The following MAST4 variants were observed in gnomAD, a reference collection of about 807,000 sequenced individuals.
MAST4 encodes the protein microtubule-associated serine/threonine-protein kinase 4.
Under a neutral mutation model 162.7 loss-of-function variants are expected in MAST4, and 89 were observed. That is an observed-to-expected ratio of 0.55 (90% confidence interval 0.46 to 0.65). The LOEUF (loss-of-function observed/expected upper bound fraction) is 0.65. Among genes scored for constraint, MAST4 ranks in the 30% least tolerant of loss-of-function variants. The probability of loss-of-function intolerance (pLI) is 0.00; values close to 1 mark genes in which losing one functional copy is unlikely to be tolerated. For missense variants in MAST4, 3,153 were observed against 3,374.0 expected (o/e 0.93, Z 1.62); for synonymous variants, 1,479 against 1,361.1 (o/e 1.09, Z -1.91).
intron 1 of MAST4, among the ~76,000 whole-genome samples, chr5:66,707,057 C>T (rs1295870711): frequency 2.0e-5 from 3 of 152,264 alleles, no homozygotes; most frequent in South Asian, 2.1e-4. Flanking sequence ...GTGTGGGGCT[C>T]TGTCTTCTGT....
At chr5:67,023,139 G>A (rs1194079025) in intron 4 of MAST4, among the ~76,000 whole-genome samples, 1 of 152,086 alleles carries the variant, frequency 6.6e-6, no homozygotes. Context: ...TGAATAGGAA[G>A]GTTCAGCAGA....
At chr5:67,118,854 A>C in intron 13 of MAST4, 105 bp downstream of exon 13, 1 of 671,526 alleles carries the variant, frequency 1.5e-6, no homozygotes, top group Non-Finnish European at 2.6e-6. Context: ...TTGTGCTTCT[A>C]TGTGAATATA....
At chr5:67,121,165 T>A in intron 14 of MAST4, 63 bp downstream of exon 14, 1 of 1,304,282 alleles carries the variant, frequency 7.7e-7, no homozygotes, top group Non-Finnish European at 1.1e-6. Context: ...TATTTATTCT[T>A]AACATTTATC....
intron 3 of MAST4, among the ~76,000 whole-genome samples, chr5:66,864,711 A>G (rs1222160700): frequency 6.6e-6 from 1 of 151,602 alleles, no homozygotes; most frequent in Non-Finnish European, 1.5e-5. Context: ...CACAAGGAGA[A>G]GACCGCCATC....
chr5:67,128,664 A>G (rs940647256), intron 14 of MAST4, among the ~76,000 whole-genome samples: 23 of 152,230 alleles, frequency 1.5e-4, no homozygotes, highest in African/African-American at 5.3e-4. Flanking sequence ...GGGATTGAAT[A>G]TAGTTGAAAT....
intron 4 of MAST4, among the ~76,000 whole-genome samples, chr5:67,009,694 T>C (rs1010672691): frequency 6.6e-6 from 1 of 152,134 alleles, no homozygotes; most frequent in Non-Finnish European, 1.5e-5. Flanking sequence ...TAGTGGGTGG[T>C]GAAGCTGCGG....
intron 19 of MAST4, 94 bp from the exon 20 acceptor site, chr5:67,142,021 T>C (rs745380650): frequency 8.6e-6 from 11 of 1,272,426 alleles, no homozygotes; most frequent in Middle Eastern, 1.9e-4. Flanking sequence ...TTTGCTGATA[T>C]GTTCTCAAAA....
intron 1 of MAST4, among the ~76,000 whole-genome samples, chr5:66,599,506 T>C (rs1742419545): frequency 6.6e-6 from 1 of 152,236 alleles, no homozygotes; most frequent in African/African-American, 2.4e-5. Context: ...TTAGGCATTT[T>C]ACACATGCTA....
intron 4 of MAST4, among the ~76,000 whole-genome samples, chr5:66,901,880 A>T (rs1763031929): frequency 6.6e-6 from 1 of 152,162 alleles, no homozygotes; most frequent in South Asian, 2.1e-4. Context: ...GAATGCCAGT[A>T]ATTACTCTCC....
At chr5:66,632,670 A>G (rs183828323) in intron 1 of MAST4, among the ~76,000 whole-genome samples, 46 of 152,272 alleles carry the variant, frequency 3.0e-4, no homozygotes, top group African/African-American at 1.1e-3. Context: ...GTGTATGTAT[A>G]TATGTGTGTT....
intron 1 of MAST4, among the ~76,000 whole-genome samples, chr5:66,628,008 A>G (rs1341099709): frequency 6.6e-6 from 1 of 152,028 alleles, no homozygotes; most frequent in East Asian, 1.9e-4. Flanking sequence ...AAATTTTTTA[A>G]AATTGATTTT....
At chr5:66,841,325 T>A (rs186693875) in intron 3 of MAST4, among the ~76,000 whole-genome samples, 13 of 152,290 alleles carry the variant, frequency 8.5e-5, no homozygotes, top group Non-Finnish European at 1.0e-4. Context: ...TTAGATTCAT[T>A]TTCTGTAATA....
At chr5:66,746,053 A>G (rs571674185) in intron 1 of MAST4, among the ~76,000 whole-genome samples, 1 of 152,216 alleles carries the variant, frequency 6.6e-6, no homozygotes, top group East Asian at 1.9e-4. Flanking sequence ...AAATCTGGGC[A>G]GTTCATTTGA....
At chr5:66,808,304 G>T (rs1756305401) in intron 3 of MAST4, among the ~76,000 whole-genome samples, 1 of 152,198 alleles carries the variant, frequency 6.6e-6, no homozygotes, top group Admixed American at 6.5e-5. Context: ...TAAATGGCAG[G>T]TCCCATTCTT....
chr5:66,759,779 C>T lies in MAST4; in HGVS notation c.434C>T (p.Pro145Leu), dbSNP rs1336939652. ...KCSNPDVASGPGKSLKYKRQL... is the reference protein window; with the variant it reads ...KCSNPDVASGLGKSLKYKRQL... ...AGCAACCCAGATGTGGCTTCTGGCC[C>T]TGGAAAATCACTGAAGTATAAAAGA... is the stretch of plus-strand genomic sequence containing the variant. The change falls in exon 2 of 29, where the codon CCT becomes CTT. Residue 145 changes from proline to leucine, a missense_variant. Pro to Leu is a moderately conservative substitution (Grantham distance 98). Coordinates refer to ENST00000403625, the MANE Select transcript of MAST4 (RefSeq NM_001164664.2). 2.5e-6 allele frequency: 4 copies of T among 1,613,934 alleles called. No homozygotes were observed. Among genetic ancestry groups the T allele is most frequent in the Non-Finnish European group, 3.4e-6 (4 of 1,179,882 alleles).
intron 27 of MAST4, among the ~76,000 whole-genome samples, chr5:67,160,907 C>A (rs892306432): frequency 5.9e-5 from 9 of 152,320 alleles, no homozygotes; most frequent in African/African-American, 1.9e-4. Context: ...ACTGGATCTT[C>A]AGGTGGTTTT....
chr5:66,746,642 T>C (rs888916123), intron 1 of MAST4, among the ~76,000 whole-genome samples: 4 of 152,198 alleles, frequency 2.6e-5, no homozygotes, highest in Admixed American at 2.0e-4. Context: ...GTATATTCTC[T>C]TCCTGCTTGT....
chr5:67,100,801 T>A (rs1764940785), intron 8 of MAST4, among the ~76,000 whole-genome samples: 1 of 152,220 alleles, frequency 6.6e-6, no homozygotes, highest in African/African-American at 2.4e-5. Context: ...CACAATTTGC[T>A]GATTGCAGCA....
At chr5:66,921,467 A>C (rs973434363) in intron 4 of MAST4, among the ~76,000 whole-genome samples, 3 of 152,158 alleles carry the variant, frequency 2.0e-5, no homozygotes, top group Non-Finnish European at 4.4e-5. Context: ...ACTAAAGATT[A>C]AAACTGCGGC....
Sources: allele counts gnomAD v4.1 joint callset (sites outside exome capture counted in the v4.1 genomes callset), GRCh38; gene constraint gnomAD v4.1.1; transcripts MANE v1.5; gene names NCBI Gene and HGNC (gene_info 2026-07-23, HGNC 2026-07-21).